GRID2: variants seen among roughly 807,000 people sequenced by gnomAD.
The protein encoded by GRID2 is glutamate ionotropic receptor delta type subunit 2, also known as glutamate receptor ionotropic, delta-2.
A neutral mutation model predicts 114.8 loss-of-function variants in GRID2; 33 were observed. The ratio of observed to expected loss-of-function variants is 0.29; its 90% confidence interval spans 0.22 to 0.38. The LOEUF is 0.38. Ranked by LOEUF, GRID2 falls within the 10% of genes least tolerant of loss-of-function variation. The pLI is 1.00. For missense variants in GRID2, 1,184 were observed against 1,257.7 expected, an observed-to-expected ratio of 0.94 and a Z score of 0.89; for synonymous variants, 505 against 449.9, an observed-to-expected ratio of 1.12 and a Z score of -1.55.
chr4:92,912,746 C>A (rs1288545035), intron 2 of GRID2, among the ~76,000 whole-genome samples: 1 of 151,744 alleles, frequency 6.6e-6, no homozygotes, highest in African/African-American at 2.4e-5. Context: ...AAAACAAACT[C>A]TTTAAGAATT....
At chr4:92,731,502 GAAC>G (rs1736326766) in intron 2 of GRID2, among the ~76,000 whole-genome samples, 1 of 151,794 alleles carries the variant, frequency 6.6e-6, no homozygotes, top group Admixed American at 6.6e-5. Flanking sequence ...TAAAAAAGAT[GAAC>G]AATACCTTTA....
At chr4:92,483,103 G>T (rs1429808899) in intron 1 of GRID2, among the ~76,000 whole-genome samples, 2 of 152,116 alleles carry the variant, frequency 1.3e-5, no homozygotes, top group Non-Finnish European at 2.9e-5. Flanking sequence ...AGTTTGGGAG[G>T]CTGAGGTGGG....
chr4:92,805,991 C>T (rs369754667), intron 2 of GRID2, among the ~76,000 whole-genome samples: 1 of 151,674 alleles, frequency 6.6e-6, no homozygotes, highest in African/African-American at 2.4e-5. Flanking sequence ...TTGTATTGAT[C>T]TTTTCTCTCA....
chr4:92,939,641 A>G (rs1471062156), intron 2 of GRID2, among the ~76,000 whole-genome samples: 2 of 147,220 alleles, frequency 1.4e-5, no homozygotes, highest in Non-Finnish European at 3.0e-5. Flanking sequence ...GTCCTTGCCC[A>G]TGCCTATGTC....
intron 1 of GRID2, among the ~76,000 whole-genome samples, chr4:92,497,330 A>G (rs1723437705): frequency 6.6e-6 from 1 of 151,986 alleles, no homozygotes; most frequent in African/African-American, 2.4e-5. Context: ...CTAGGATAAC[A>G]TAAGGTTTTA....
intron 14 of GRID2, among the ~76,000 whole-genome samples, chr4:93,669,828 C>T (rs765285813): frequency 6.6e-6 from 1 of 152,138 alleles, no homozygotes; most frequent in Non-Finnish European, 1.5e-5. Context: ...ACCCACCCTG[C>T]ACCTTCTCTC....
In GRID2 at chr4:93,769,368, C is replaced by G. The variant is rs1017793925; in HGVS notation, c.2519C>G (p.Ala840Gly). The part of the protein sequence containing the change: ...SFAGVFCILA[A>G]GIVLSCFIAM... ...GCAGGGGTCTTTTGTATCCTGGCTG[C>G]TGGAATTGTCCTCTCCTGCTTCATA... The change falls in exon 15 of 16, where the codon GCT (alanine) becomes GGT (glycine). Residue 840 changes from alanine to glycine, a missense_variant. Coordinates refer to ENST00000282020, the MANE Select transcript of GRID2 (RefSeq NM_001510.4). The G allele has an allele frequency of 1.2e-6, 2 of 1,613,962 alleles. No individual in the cohort carries two copies. The highest frequency in any genetic ancestry group is 1.7e-6 in the Non-Finnish European group (2 of 1,179,900).
chr4:93,720,455 T>G (rs1333616322), intron 14 of GRID2, among the ~76,000 whole-genome samples: 1 of 152,176 alleles, frequency 6.6e-6, no homozygotes, highest in Admixed American at 6.5e-5. Flanking sequence ...TTGAATAAAA[T>G]GACAATATTT....
chr4:93,138,423 C>A (rs1220160727), intron 4 of GRID2, among the ~76,000 whole-genome samples: 1 of 152,100 alleles, frequency 6.6e-6, no homozygotes, highest in Non-Finnish European at 1.5e-5. Context: ...ATGTTTGTAC[C>A]ACTAAAGCTT....
At chr4:93,528,864 G>A (rs142260558) in intron 13 of GRID2, among the ~76,000 whole-genome samples, 1 of 152,120 alleles carries the variant, frequency 6.6e-6, no homozygotes, top group African/African-American at 2.4e-5. Flanking sequence ...CTCTGCCATT[G>A]CGATTCCTAG....
chr4:92,603,060 G>T (rs940176072), intron 2 of GRID2, among the ~76,000 whole-genome samples: 9 of 151,866 alleles, frequency 5.9e-5, no homozygotes, highest in Non-Finnish European at 8.8e-5. Flanking sequence ...AGGACACAAA[G>T]AAATGGAAAA....
chr4:93,638,023 G>T (rs994629692), intron 14 of GRID2, among the ~76,000 whole-genome samples: 1 of 152,034 alleles, frequency 6.6e-6, no homozygotes, highest in Non-Finnish European at 1.5e-5. Flanking sequence ...TTTTTATATG[G>T]AATAAGAGTC....
chr4:93,518,924 G>T (rs1730067046), intron 13 of GRID2, among the ~76,000 whole-genome samples: 1 of 152,094 alleles, frequency 6.6e-6, no homozygotes, highest in South Asian at 2.1e-4. Context: ...GTGCAACAAG[G>T]TCAAGAGGTA....
At chr4:93,053,122 A>T (rs533783208) in intron 2 of GRID2, among the ~76,000 whole-genome samples, 12 of 152,062 alleles carry the variant, frequency 7.9e-5, no homozygotes, top group African/African-American at 2.6e-4. Flanking sequence ...CAAGTTCTAC[A>T]GCAATAAGCA....
chr4:93,661,227 GC>G (rs1299804859), intron 14 of GRID2, among the ~76,000 whole-genome samples: 1 of 152,172 alleles, frequency 6.6e-6, no homozygotes, highest in Non-Finnish European at 1.5e-5. Flanking sequence ...ATGGTCATTT[GC>G]AGAAATGCAC....
intron 2 of GRID2, among the ~76,000 whole-genome samples, chr4:92,803,694 T>C (rs1272648218): frequency 6.6e-6 from 1 of 151,354 alleles, no homozygotes; most frequent in Non-Finnish European, 1.5e-5. Flanking sequence ...TATCTTCTTG[T>C]TTTTAAGGGG....
At chr4:93,474,735 T>G (rs1395712280) in intron 11 of GRID2, among the ~76,000 whole-genome samples, 1 of 152,138 alleles carries the variant, frequency 6.6e-6, no homozygotes, top group Non-Finnish European at 1.5e-5. Context: ...CTCCCTTCCC[T>G]ATGATAGCCT....
chr4:92,382,693 C>T (rs933073829), intron 1 of GRID2, among the ~76,000 whole-genome samples: 1 of 151,804 alleles, frequency 6.6e-6, no homozygotes, highest in Admixed American at 6.6e-5. Context: ...AAAGGGATGA[C>T]CCTTATTTTA....
chr4:93,506,971 C>G (rs1373699210), intron 12 of GRID2, among the ~76,000 whole-genome samples: 2 of 152,140 alleles, frequency 1.3e-5, no homozygotes, highest in Non-Finnish European at 2.9e-5. Context: ...TACCCCACAC[C>G]GTGAGGAATA....
Sources: gnomAD v4.1 joint callset for allele counts (sites outside exome capture counted in the v4.1 genomes callset) on GRCh38, gnomAD v4.1.1 for gene constraint, MANE v1.5 for transcripts, NCBI Gene and HGNC (gene_info 2026-07-23, HGNC 2026-07-21) for gene names.